Variants in WNT3A observed in about 807,000 individuals in gnomAD.
The protein encoded by WNT3A is protein Wnt-3a.
In WNT3A, 17 loss-of-function variants were observed where a neutral mutation model predicts 37.0. The observed-to-expected ratio is 0.46, with a 90% CI of 0.31 to 0.69. The LOEUF is 0.69. WNT3A is among the 30% of genes least tolerant of loss of function. The probability of loss-of-function intolerance (pLI) is 0.05; values close to 1 mark genes in which losing one functional copy is unlikely to be tolerated. For synonymous variants in WNT3A, 187 were observed against 211.0 expected, an observed-to-expected ratio of 0.89 and a Z score of 0.99; for missense variants, 411 against 510.2, an observed-to-expected ratio of 0.81 and a Z score of 1.87.
At position 228,007,121 on chromosome 1, in the gene WNT3A, GCGCGGCGATGGC is replaced by G; in HGVS notation, c.-6_6del. Reference sequence around the variant, plus strand: ...GACTCCCGGCCCTCCGCGCCCTCTCGCGCGGCGATGGCCCCACTCGGATACTTCTTACTCCTC... The same window carrying G: ...GACTCCCGGCCCTCCGCGCCCTCTCGCCCACTCGGATACTTCTTACTCCTC... On this transcript the variant is annotated start_lost and 5_prime_UTR_variant, in exon 1 of 4. Transcript: ENST00000284523. The surrounding 1 kb of genome is among the most constrained non-coding windows in gnomAD (Gnocchi z 6.0). 6.4e-7 allele frequency: 1 copy of G among 1,567,800 alleles called. No individual in the cohort carries two copies. The highest frequency in any genetic ancestry group is 2.5e-5 in the East Asian group (1 of 39,808).
At chr1:228,036,460 T>A (rs897334442) in intron 2 of WNT3A, among the ~76,000 whole-genome samples, 1 of 152,174 alleles carries the variant, frequency 6.6e-6, no homozygotes, top group African/African-American at 2.4e-5. Context: ...CATCCCCATC[T>A]GCCGTCCACC....
rs973026828 is a variant in WNT3A, at chr1:228,008,370, T to C, written c.71+1171T>C. Among the ~76,000 whole-genome samples the C allele has an allele frequency of 6.6e-6, 1 of 152,024 alleles. No homozygotes were observed. The highest frequency in any genetic ancestry group is 2.4e-5 in the African/African-American group (1 of 41,398). On this transcript the variant is annotated intron_variant, in intron 1 of 3. Transcript: ENST00000284523. This position sits in a 1 kb window ranked among gnomAD's most constrained non-coding sequence, Gnocchi z 4.9. Reference sequence around the variant, plus strand: ...GCGAGCCGAGGTACATCTAATCCGATAATAATTTTTCTCTTCGAGATGGTT... The same window carrying C: ...GCGAGCCGAGGTACATCTAATCCGACAATAATTTTTCTCTTCGAGATGGTT...
chr1:228,025,440 C>T (rs1260255123), intron 2 of WNT3A, among the ~76,000 whole-genome samples: 1 of 152,148 alleles, frequency 6.6e-6, no homozygotes, highest in African/African-American at 2.4e-5. Context: ...CCTTGACCTT[C>T]CAGGTTCAAG....
intron 1 of WNT3A, among the ~76,000 whole-genome samples, chr1:228,011,171 C>A (rs146496311): frequency 6.6e-5 from 10 of 152,144 alleles, no homozygotes; most frequent in Non-Finnish European, 1.3e-4. Flanking sequence ...AGAAGGAGCT[C>A]GGCTGGAATG....
rs1243761161 is a variant in WNT3A, at chr1:228,061,209, C to T, written c.*1744C>T. ...CCGCCATCCTCTGCCTCAAATTCTG[C>T]GTTTTTGGTTTTAATGTTATATCTG... On this transcript the variant is annotated 3_prime_UTR_variant, in exon 4 of 4. Coordinates refer to ENST00000284523, the MANE Select transcript of WNT3A (RefSeq NM_033131.4). 6.5e-6 allele frequency: 1 copy of T among 152,672 alleles called. No homozygotes were observed. The allele number at this position is 152,672 out of a possible 1,614,324, so 9.5% of individuals were successfully genotyped here.
chr1:228,045,793 G>C (rs181963411), intron 2 of WNT3A, among the ~76,000 whole-genome samples: 1 of 152,310 alleles, frequency 6.6e-6, no homozygotes, highest in Non-Finnish European at 1.5e-5. Context: ...GGGTGCCTTA[G>C]AGGGGCAAGG....
At chr1:228,013,845 G>A (rs1322568077) in intron 1 of WNT3A, among the ~76,000 whole-genome samples, 1 of 152,246 alleles carries the variant, frequency 6.6e-6, no homozygotes, top group Non-Finnish European at 1.5e-5. Flanking sequence ...TCTGAGGAAG[G>A]AAGCCTTATC....
In WNT3A at chr1:228,007,026, G is replaced by A; in HGVS notation, c.-103G>A. 2 of 693,452 alleles carry A rather than the reference G, an allele frequency of 2.9e-6. No individual in the cohort carries two copies. The highest frequency in any genetic ancestry group is 3.8e-6 in the Non-Finnish European group (2 of 527,060). 43.0% of individuals were successfully genotyped at this position (693,452 alleles called of 1,614,324 possible). On this transcript the variant is annotated 5_prime_UTR_variant, in exon 1 of 4. Transcript: ENST00000284523. The surrounding 1 kb of genome is among the most constrained non-coding windows in gnomAD (Gnocchi z 6.0). Reference sequence around the variant, plus strand: ...CACACCCGCGCACCCGCGGCCGCAGGAGGGCCCAGCGACGCCGCCGCGCCA... The same window carrying A: ...CACACCCGCGCACCCGCGGCCGCAGAAGGGCCCAGCGACGCCGCCGCGCCA...
chr1:228,042,255 C>T lies in WNT3A; in HGVS notation c.314-8401C>T, dbSNP rs1385820125. On this transcript the variant is annotated intron_variant, in intron 2 of 3. Coordinates refer to ENST00000284523, the MANE Select transcript of WNT3A (RefSeq NM_033131.4). The surrounding 1 kb of genome is among the most constrained non-coding windows in gnomAD (Gnocchi z 5.2). ...GCCTCCCAAAGTGCTGGGATTACAG[C>T]TGTGAGCCACCGCGCCCAGCCTCTG... 6.6e-6 allele frequency among the ~76,000 whole-genome samples: 1 copy of T among 152,150 alleles called. No individual in the cohort carries two copies. Among genetic ancestry groups the T allele is most frequent in the East Asian group, 1.9e-4 (1 of 5,188 alleles).
chr1:228,022,703 C>A lies in WNT3A; in HGVS notation c.108C>A (p.Gly36=). The A allele has an allele frequency of 1.2e-6, 2 of 1,614,162 alleles. No individual in the cohort carries two copies. The highest frequency in any genetic ancestry group is 2.7e-5 in the African/African-American group (2 of 75,056). ...LAVGPQYSSL[G]SQPILCASIP... ...TTGGGCCACAGTATTCCTCCCTGGG[C>A]TCGCAGCCCATCCTGTGTGCCAGCA... Residue 36 remains glycine, a synonymous_variant, in exon 2 of 4, where the codon GGC becomes GGA. Transcript: ENST00000284523.
intron 2 of WNT3A, among the ~76,000 whole-genome samples, chr1:228,040,189 T>C (rs1246633459): frequency 1.3e-5 from 2 of 152,226 alleles, no homozygotes; most frequent in Non-Finnish European, 2.9e-5. Context: ...CAGGGACCTC[T>C]CTTGGGACCC....
At chr1:228,023,316 AAGAT>A (rs1056911707) in intron 2 of WNT3A, among the ~76,000 whole-genome samples, 1 of 151,658 alleles carries the variant, frequency 6.6e-6, no homozygotes, top group African/African-American at 2.4e-5. Context: ...GAGAGAGAGA[AAGAT>A]AGAGACAGAC....
At position 228,023,645 on chromosome 1, in the gene WNT3A, T is replaced by C. The variant is rs181791438; in HGVS notation, c.313+737T>C. Among the ~76,000 whole-genome samples the C allele has an allele frequency of 7.9e-5, 12 of 152,180 alleles. No individual in the cohort carries two copies. The East Asian group carries it at 2.1e-3, about 27-fold the overall frequency. On this transcript the variant is annotated intron_variant, in intron 2 of 3. Transcript: ENST00000284523. ...GAGAACATGGACAAGATTAAAACTTTAGCATCTTTTTTTAAAAAGTTGAGG... is the reference window on the plus strand; with the variant it reads ...GAGAACATGGACAAGATTAAAACTTCAGCATCTTTTTTTAAAAAGTTGAGG...
intron 3 of WNT3A, among the ~76,000 whole-genome samples, chr1:228,052,020 C>A (rs1184968944): frequency 6.6e-6 from 1 of 152,182 alleles, no homozygotes; most frequent in Non-Finnish European, 1.5e-5. Flanking sequence ...GATTACACTT[C>A]AACATGAAAT....
chr1:228,037,738 A>T lies in WNT3A; in HGVS notation c.314-12918A>T, dbSNP rs1203328240. 6.6e-6 allele frequency among the ~76,000 whole-genome samples: 1 copy of T among 152,154 alleles called. No individual in the cohort carries two copies. The highest frequency in any genetic ancestry group is 1.5e-5 in the Non-Finnish European group (1 of 68,028). ...ATTAACTCTCCCCAGTGGGAGGGGA[A>T]CCCCGGCCGACTCCCCGCCGCGTCC... On this transcript the variant is annotated intron_variant, in intron 2 of 3. Transcript: ENST00000284523. This position sits in a 1 kb window ranked among gnomAD's most constrained non-coding sequence, Gnocchi z 4.1.
Position 228,039,039 on chromosome 1 carries a change from A to G in WNT3A, c.314-11617A>G, listed in dbSNP as rs1159674648. The stretch of plus-strand genomic sequence containing the variant: ...GTCTGGGCCCCCAGCACCCGGCTGG[A>G]CTGGCCACCATGGAGTCCTGCCCTC... On this transcript the variant is annotated intron_variant, in intron 2 of 3. Transcript: ENST00000284523. The surrounding 1 kb of genome is among the most constrained non-coding windows in gnomAD (Gnocchi z 4.1). Among the ~76,000 whole-genome samples, 1 of 152,124 alleles carries G rather than the reference A, an allele frequency of 6.6e-6. No individual in the cohort carries two copies. The highest frequency in any genetic ancestry group is 6.5e-5 in the Admixed American group (1 of 15,274).
At position 228,039,837 on chromosome 1, in the gene WNT3A, G is replaced by A. The variant is rs1189331721; in HGVS notation, c.314-10819G>A. ...TTCAGACTGAGCACTCTGCCTCCCCGAGGAGCTGGATTTCATTGTCCTATG... is the reference window on the plus strand; with the variant it reads ...TTCAGACTGAGCACTCTGCCTCCCCAAGGAGCTGGATTTCATTGTCCTATG... On this transcript the variant is annotated intron_variant, in intron 2 of 3. Transcript: ENST00000284523. The surrounding 1 kb of genome is among the most constrained non-coding windows in gnomAD (Gnocchi z 4.1). Among the ~76,000 whole-genome samples the A allele has an allele frequency of 1.3e-5, 2 of 152,146 alleles. No homozygotes were observed. Among genetic ancestry groups the A allele is most frequent in the African/African-American group, 2.4e-5 (1 of 41,422 alleles).
rs1355801075 is a variant in WNT3A, at chr1:228,038,872, G to T, written c.314-11784G>T. On this transcript the variant is annotated intron_variant, in intron 2 of 3. Transcript: ENST00000284523. The surrounding 1 kb of genome is among the most constrained non-coding windows in gnomAD (Gnocchi z 5.7). ...GGAAGGCCTGTGGGGTGGGGCATTT[G>T]CCCTGCAGACCTGGGGAGAGAAGCT... Among the ~76,000 whole-genome samples, 1 of 152,190 alleles carries T rather than the reference G, an allele frequency of 6.6e-6. No individual in the cohort carries two copies. The highest frequency in any genetic ancestry group is 2.4e-5 in the African/African-American group (1 of 41,450).
At position 228,050,618 on chromosome 1, in the gene WNT3A, T is replaced by C. The variant is rs1227849308; in HGVS notation, c.314-38T>C. 6.5e-7 allele frequency: 1 copy of C among 1,548,718 alleles called. No homozygotes were observed. The highest frequency in any genetic ancestry group is 1.2e-5 in the South Asian group (1 of 82,008). On this transcript the variant is annotated intron_variant, in intron 2 of 3. Coordinates refer to ENST00000284523, the MANE Select transcript of WNT3A (RefSeq NM_033131.4). This position sits in a 1 kb window ranked among gnomAD's most constrained non-coding sequence, Gnocchi z 5.0. The stretch of plus-strand genomic sequence containing the variant: ...ACCTGCCCAAGGCGGTCCTTTGAGC[T>C]GAGCCCTGTTAACCCTGCATCTCTC...
Sources: allele counts gnomAD v4.1 joint callset (sites outside exome capture counted in the v4.1 genomes callset), GRCh38; gene constraint gnomAD v4.1.1; non-coding constraint Gnocchi (gnomAD v3.1); transcripts MANE v1.5; gene names NCBI Gene and HGNC (gene_info 2026-07-23, HGNC 2026-07-21).